The following PRDM10 variants were observed in gnomAD, a reference collection of about 807,000 sequenced individuals.
PRDM10 encodes PR/SET domain 10.
In PRDM10, 65 loss-of-function variants were observed where a neutral mutation model predicts 133.1. That is an observed-to-expected ratio of 0.49 (90% CI 0.40 to 0.60). PRDM10 has a LOEUF of 0.60. Ranked by LOEUF, PRDM10 falls within the 20% of genes least tolerant of loss-of-function variation. PRDM10 has a pLI of 0.00. For synonymous variants in PRDM10, 582 were observed against 580.4 expected (o/e 1.00, Z -0.04); for missense variants, 1,137 against 1,507.1 (o/e 0.75, Z 4.07).
chr11:129,971,437 C>T (rs889286719), intron 1 of PRDM10, among the ~76,000 whole-genome samples: 3 of 152,030 alleles, frequency 2.0e-5, no homozygotes, highest in Non-Finnish European at 2.9e-5. Flanking sequence ...TACAGAGTGT[C>T]GACACAAAGG....
At position 129,918,691 on chromosome 11, in the gene PRDM10, G is replaced by GCA; in HGVS notation, c.2060_2061dup (p.Gln688CysfsTer43). 4 of 1,613,756 alleles carry GCA rather than the reference G, an allele frequency of 2.5e-6. No homozygotes were observed. The highest frequency in any genetic ancestry group is 3.4e-6 in the Non-Finnish European group (4 of 1,179,812). ...TCCCTCTCAGGATTATGCATCCTCT[G>GCA]CATGTGTTCCCGTAGTTTGTCTTTT... On this transcript the variant is annotated frameshift_variant, in exon 14 of 21. Transcript: ENST00000360871. LOFTEE classifies it high-confidence loss of function. The surrounding 1 kb of genome is among the most constrained non-coding windows in gnomAD (Gnocchi z 5.3).
chr11:129,961,004 A>ATT lies in PRDM10; in HGVS notation c.-41_-40insAA. ...ACAGCTCCACGTCTGGCACACCTAG[A>ATT]GCAGCACAGGGTACAGGACAGTCAT... On this transcript the variant is annotated 5_prime_UTR_variant, in exon 2 of 21. The change abolishes the stop of an existing upstream ORF in the 5' untranslated region. Coordinates refer to ENST00000360871, the MANE Select transcript of PRDM10 (RefSeq NM_199437.2). 1 of 1,596,726 alleles carries ATT rather than the reference A, an allele frequency of 6.3e-7. No homozygotes were observed. The highest frequency in any genetic ancestry group is 8.6e-7 in the Non-Finnish European group (1 of 1,164,524).
chr11:129,987,584 C>A lies in PRDM10; in HGVS notation c.-119+15138G>T, dbSNP rs771919893. ...AGCATATGTCCCTAAAAGACTTGTA[C>A]ATGAATGCTCACAGTGGCATTATTC... On this transcript the variant is annotated intron_variant, in intron 1 of 20. Transcript: ENST00000360871. Among the ~76,000 whole-genome samples, 3 of 152,292 alleles carry A rather than the reference C, an allele frequency of 2.0e-5. No homozygotes were observed. In the South Asian group the frequency reaches 6.2e-4, roughly 32 times the overall value.
intron 10 of PRDM10, 102 bp from the exon 11 acceptor site, chr11:129,931,360 C>T: frequency 1.4e-6 from 2 of 1,421,438 alleles, no homozygotes; most frequent in South Asian, 1.5e-5. Flanking sequence ...TCATAATACT[C>T]AGAAAAAATA....
At chr11:129,978,315 A>G (rs1359477244) in intron 1 of PRDM10, among the ~76,000 whole-genome samples, 1 of 152,176 alleles carries the variant, frequency 6.6e-6, no homozygotes, top group African/African-American at 2.4e-5. Context: ...TGCCACTGGG[A>G]AAAAACTCCA....
chr11:129,961,380 C>T (rs1300061750), intron 1 of PRDM10, among the ~76,000 whole-genome samples: 1 of 152,056 alleles, frequency 6.6e-6, no homozygotes, highest in African/African-American at 2.4e-5. Flanking sequence ...TCTAGGCTCA[C>T]TGCAACCTCC....
intron 1 of PRDM10, among the ~76,000 whole-genome samples, chr11:129,994,944 C>T (rs1447896546): frequency 2.0e-5 from 3 of 152,158 alleles, no homozygotes; most frequent in African/African-American, 4.8e-5. Flanking sequence ...TGAGCCACTG[C>T]GCCTGGCCAA....
At chr11:129,916,274 T>C (rs1214642025) in intron 15 of PRDM10, among the ~76,000 whole-genome samples, 3 of 152,218 alleles carry the variant, frequency 2.0e-5, no homozygotes, top group Non-Finnish European at 4.4e-5. Flanking sequence ...AATGGCAACG[T>C]CAATAGCAAC....
At chr11:129,926,596 G>A (rs1033491177) in intron 11 of PRDM10, among the ~76,000 whole-genome samples, 1 of 152,192 alleles carries the variant, frequency 6.6e-6, no homozygotes, top group Non-Finnish European at 1.5e-5. Flanking sequence ...GGAATTTCTA[G>A]ACATAATTAC....
intron 1 of PRDM10, among the ~76,000 whole-genome samples, chr11:129,964,083 A>C (rs1262803521): frequency 6.6e-6 from 1 of 152,184 alleles, no homozygotes; most frequent in African/African-American, 2.4e-5. Flanking sequence ...TTTTTAGCAG[A>C]GACACCACAG....
At chr11:129,904,623 C>G (rs551603525) in intron 20 of PRDM10, among the ~76,000 whole-genome samples, 18 of 152,294 alleles carry the variant, frequency 1.2e-4, no homozygotes, top group Non-Finnish European at 2.5e-4. Flanking sequence ...CTTCAGCCTC[C>G]TGAGTAGCTG....
intron 1 of PRDM10, among the ~76,000 whole-genome samples, chr11:129,992,893 CAG>C (rs1212040191): frequency 2.6e-5 from 4 of 152,262 alleles, no homozygotes; most frequent in African/African-American, 9.6e-5. Context: ...CCTGTGTGTT[CAG>C]AACACAACAC....
intron 14 of PRDM10, among the ~76,000 whole-genome samples, chr11:129,917,513 T>G (rs1358654805): frequency 6.6e-6 from 1 of 152,204 alleles, no homozygotes; most frequent in Admixed American, 6.5e-5. Flanking sequence ...CTGAAAGAAC[T>G]ACTATTGGAA....
At position 129,947,033 on chromosome 11, in the gene PRDM10, G is replaced by T; in HGVS notation, c.520+112C>A. On this transcript the variant is annotated intron_variant, in intron 5 of 20. Coordinates refer to ENST00000360871, the MANE Select transcript of PRDM10 (RefSeq NM_199437.2). The surrounding 1 kb of genome is among the most constrained non-coding windows in gnomAD (Gnocchi z 4.6). ...GCAAGCAGAGAATGTAGCACAGTTG[G>T]CTGCACACGGAAGGACCTGACGCAC... The T allele has an allele frequency of 2.1e-6, 3 of 1,413,926 alleles. No individual in the cohort carries two copies. The highest frequency in any genetic ancestry group is 2.3e-5 in the East Asian group (1 of 43,524). 87.6% of individuals were successfully genotyped at this position (1,413,926 alleles called of 1,614,324 possible). A position where few individuals can be genotyped will look rare whatever the true frequency, so the allele number is the denominator to read the frequency against.
rs749224151 is a variant in PRDM10 at position 129,944,930 on chromosome 11, G to A, written c.603C>T (p.Leu201=). The A allele has an allele frequency of 3.1e-6, 5 of 1,613,900 alleles. No individual in the cohort carries two copies. Among genetic ancestry groups the A allele is most frequent in the Admixed American group, 1.7e-5 (1 of 59,902 alleles). The change falls in exon 6 of 21, where the codon CTC becomes CTT. Residue 201 remains leucine (L), a synonymous_variant. Transcript: ENST00000360871. Reference sequence around the variant, plus strand: ...GGGGGAGGCTCGCCCTGGCCCGGGTGAGCACCGGCCGGTTGGGGATCGGGT... The same window carrying A: ...GGGGGAGGCTCGCCCTGGCCCGGGTAAGCACCGGCCGGTTGGGGATCGGGT... ...PLHPIPNRPV[L]TRARASLPLV...
At chr11:129,933,304 T>G (rs186226699) in intron 9 of PRDM10, among the ~76,000 whole-genome samples, 71 of 152,320 alleles carry the variant, frequency 4.7e-4, no homozygotes, top group African/African-American at 1.6e-3. Flanking sequence ...ATGAGCCCAA[T>G]GTACCCATAA....
At position 129,945,617 on chromosome 11, in the gene PRDM10, C is replaced by T. The variant is rs1236750931; in HGVS notation, c.521-605G>A. ...TCCTTCATTCACTGGGATGACACAACATTTTCCGCCCATTCCAAGAGCACT... is the reference window on the plus strand; with the variant it reads ...TCCTTCATTCACTGGGATGACACAATATTTTCCGCCCATTCCAAGAGCACT... On this transcript the variant is annotated intron_variant, in intron 5 of 20. Coordinates refer to ENST00000360871, the MANE Select transcript of PRDM10 (RefSeq NM_199437.2). The surrounding 1 kb of genome is among the most constrained non-coding windows in gnomAD (Gnocchi z 4.2). 1.3e-5 allele frequency among the ~76,000 whole-genome samples: 2 copies of T among 152,170 alleles called. No individual in the cohort carries two copies. Among genetic ancestry groups the T allele is most frequent in the Non-Finnish European group, 2.9e-5 (2 of 68,028 alleles).
chr11:129,901,015 A>G lies in PRDM10; in HGVS notation c.*1298T>C, dbSNP rs955955356. 6.6e-6 allele frequency: 1 copy of G among 152,664 alleles called. No homozygotes were observed. Among genetic ancestry groups the G allele is most frequent in the Non-Finnish European group, 1.5e-5 (1 of 68,042 alleles). The allele number at this position is 152,664 out of a possible 1,614,324, so 9.5% of individuals were successfully genotyped here. A position where few individuals can be genotyped will look rare whatever the true frequency, so the allele number is the denominator to read the frequency against. The stretch of plus-strand genomic sequence containing the variant: ...ATGAAGTAAGGTCTTTCTGTTCTGG[A>G]GTAATAAATTCTACTATGCAATAAT... On this transcript the variant is annotated 3_prime_UTR_variant, in exon 21 of 21. Coordinates refer to ENST00000360871, the MANE Select transcript of PRDM10 (RefSeq NM_199437.2).
intron 6 of PRDM10, among the ~76,000 whole-genome samples, chr11:129,942,914 T>C (rs1312884401): frequency 6.6e-6 from 1 of 152,196 alleles, no homozygotes; most frequent in Non-Finnish European, 1.5e-5. Context: ...ATGCTATAAA[T>C]ATGCCAGAAA....
Sources: allele counts gnomAD v4.1 joint callset (sites outside exome capture counted in the v4.1 genomes callset), GRCh38; gene constraint gnomAD v4.1.1; non-coding constraint Gnocchi (gnomAD v3.1); transcripts MANE v1.5; gene names NCBI Gene and HGNC (gene_info 2026-07-23, HGNC 2026-07-21).